The following RBFOX1 variants were observed in gnomAD, a reference collection of about 807,000 sequenced individuals.
The protein encoded by RBFOX1 is RNA binding fox-1 homolog 1, also known as RNA binding protein fox-1 homolog 1.
In RBFOX1, 8 loss-of-function variants were observed where a neutral mutation model predicts 57.7. The observed-to-expected ratio is 0.14, with a 90% CI of 0.08 to 0.25. RBFOX1 has a LOEUF of 0.25. Among genes scored for constraint, RBFOX1 ranks in the 10% least tolerant of loss-of-function variants. The pLI, the probability that RBFOX1 is intolerant of heterozygous loss-of-function variation, is 1.00. For missense variants in RBFOX1, 611 were observed against 548.5 expected, an observed-to-expected ratio of 1.11 and a Z score of -1.14; for synonymous variants, 326 against 222.4, an observed-to-expected ratio of 1.47 and a Z score of -4.15.
chr16:7,277,425 C>T (rs994457272), intron 4 of RBFOX1, among the ~76,000 whole-genome samples: 1 of 152,182 alleles, frequency 6.6e-6, no homozygotes, highest in East Asian at 1.9e-4. Context: ...GTTGTACATT[C>T]TCTGTGCCAC....
chr16:6,966,163 C>G (rs2084103967), intron 3 of RBFOX1, among the ~76,000 whole-genome samples: 1 of 152,114 alleles, frequency 6.6e-6, no homozygotes, highest in African/African-American at 2.4e-5. Flanking sequence ...GACATTTACG[C>G]TCTTGCCAGA....
chr16:5,991,535 T>C (rs2060396837), intron 4 of RBFOX1, among the ~76,000 whole-genome samples: 1 of 152,120 alleles, frequency 6.6e-6, no homozygotes, highest in Non-Finnish European at 1.5e-5. Context: ...CCATGCATCG[T>C]GGCTGGATAG....
At chr16:6,286,034 C>G (rs1361605301) in intron 1 of RBFOX1, among the ~76,000 whole-genome samples, 2 of 152,132 alleles carry the variant, frequency 1.3e-5, no homozygotes, top group Non-Finnish European at 2.9e-5. Flanking sequence ...GAGGCTGCAT[C>G]AAAATATTAA....
intron 1 of RBFOX1, among the ~76,000 whole-genome samples, chr16:5,406,611 C>T (rs1269960422): frequency 6.6e-6 from 1 of 151,952 alleles, no homozygotes; most frequent in East Asian, 1.9e-4. Flanking sequence ...TATATATATT[C>T]ACACACACGT....
In RBFOX1 at chr16:6,874,509, T is replaced by TA. The variant is rs57494867; in HGVS notation, c.-15-177519dup. ...CTGGGCGACAGAGCAAGACTCCATC[T>TA]AAAAAAAAAAAAAAAAAAAAAAAAA... On this transcript the variant is annotated intron_variant, in intron 3 of 15. Transcript: ENST00000550418. 9.9e-3 allele frequency among the ~76,000 whole-genome samples: 704 copies of TA among 71,102 alleles called. 11 individuals are homozygous for TA. Among genetic ancestry groups the TA allele is most frequent in the Middle Eastern group, 0.019 (2 of 106 alleles). The allele number at this position is 71,102 out of a possible 152,430, so 46.6% of individuals were successfully genotyped here. A position where few individuals can be genotyped will look rare whatever the true frequency, so the allele number is the denominator to read the frequency against.
At chr16:7,405,261 G>T (rs993320766) in intron 4 of RBFOX1, among the ~76,000 whole-genome samples, 2 of 152,204 alleles carry the variant, frequency 1.3e-5, no homozygotes, top group Non-Finnish European at 2.9e-5. Flanking sequence ...ACGGCGCAGC[G>T]CTGATGCCAG....
intron 1 of RBFOX1, among the ~76,000 whole-genome samples, chr16:6,126,386 C>T (rs4786085): frequency 0.37 from 55,529 of 152,064 alleles, 10,936 homozygotes; most frequent in Non-Finnish European, 0.45. Flanking sequence ...ATTGAATGCG[C>T]ACTATGTGCC....
chr16:6,445,850 G>A (rs925453487), intron 2 of RBFOX1, among the ~76,000 whole-genome samples: 3 of 152,128 alleles, frequency 2.0e-5, no homozygotes, highest in African/African-American at 7.2e-5. Flanking sequence ...CAAAGTGCTG[G>A]GATTACTGGC....
intron 2 of RBFOX1, among the ~76,000 whole-genome samples, chr16:5,538,619 CTTT>C (rs59757856): frequency 8.7e-5 from 11 of 126,944 alleles, no homozygotes; most frequent in Admixed American, 1.6e-4. Flanking sequence ...TTTATTTCTT[CTTT>C]TTTTTTTTTT....
intron 2 of RBFOX1, among the ~76,000 whole-genome samples, chr16:6,335,068 A>G (rs1007840140): frequency 1.3e-5 from 2 of 152,190 alleles, no homozygotes; most frequent in African/African-American, 2.4e-5. Flanking sequence ...TTTCGATGTG[A>G]TAGTTTAATT....
At chr16:7,169,466 C>A (rs1317595855) in intron 4 of RBFOX1, among the ~76,000 whole-genome samples, 1 of 152,192 alleles carries the variant, frequency 6.6e-6, no homozygotes, top group African/African-American at 2.4e-5. Context: ...TTCAGTAGCA[C>A]CTGCCTCTTC....
intron 2 of RBFOX1, among the ~76,000 whole-genome samples, chr16:6,484,978 A>G (rs1344838480): frequency 6.6e-6 from 1 of 152,198 alleles, no homozygotes; most frequent in East Asian, 1.9e-4. Context: ...AAATGGGGAC[A>G]TCTTTCTCCA....
chr16:6,075,130 G>A (rs9927558), intron 1 of RBFOX1, among the ~76,000 whole-genome samples: 119,755 of 152,078 alleles, frequency 0.79, 47,717 homozygotes, highest in African/African-American at 0.9. Flanking sequence ...TCACATGCAG[G>A]GAATGAAATT....
chr16:5,623,635 G>C (rs962361081), intron 3 of RBFOX1, among the ~76,000 whole-genome samples: 2 of 151,616 alleles, frequency 1.3e-5, no homozygotes, highest in African/African-American at 2.4e-5. Context: ...CGCTACACTG[G>C]TTACCCCTTC....
intron 2 of RBFOX1, among the ~76,000 whole-genome samples, chr16:6,366,680 G>A (rs1199555284): frequency 6.6e-6 from 1 of 152,112 alleles, no homozygotes; most frequent in African/African-American, 2.4e-5. Context: ...AATCTTCATA[G>A]CAAACTTAGG....
intron 3 of RBFOX1, among the ~76,000 whole-genome samples, chr16:6,970,287 C>G (rs541706240): frequency 1.3e-5 from 2 of 152,274 alleles, no homozygotes; most frequent in Admixed American, 6.5e-5. Flanking sequence ...AATGACCCAA[C>G]AACATCATCA....
intron 4 of RBFOX1, among the ~76,000 whole-genome samples, chr16:7,482,609 A>G (rs1276556889): frequency 6.9e-6 from 1 of 144,298 alleles, no homozygotes; most frequent in Non-Finnish European, 1.5e-5. Context: ...TCGGGTACAC[A>G]AATTCTGGAT....
chr16:7,398,443 G>C (rs1480000350), intron 4 of RBFOX1, among the ~76,000 whole-genome samples: 1 of 152,198 alleles, frequency 6.6e-6, no homozygotes, highest in Non-Finnish European at 1.5e-5. Flanking sequence ...AATATATGGT[G>C]GCTATGATTA....
At chr16:5,820,927 T>G (rs2055828513) in intron 3 of RBFOX1, among the ~76,000 whole-genome samples, 1 of 152,052 alleles carries the variant, frequency 6.6e-6, no homozygotes, top group South Asian at 2.1e-4. Flanking sequence ...ATGCCACACG[T>G]TTAAGGGGAT....
Sources: allele counts gnomAD v4.1 joint callset (sites outside exome capture counted in the v4.1 genomes callset), GRCh38; gene constraint gnomAD v4.1.1; transcripts MANE v1.5; gene names NCBI Gene and HGNC (gene_info 2026-07-23, HGNC 2026-07-21).